The following ANKMY1 variants were observed in gnomAD, a reference collection of about 807,000 sequenced individuals.
ANKMY1 encodes the protein ankyrin repeat and MYND domain-containing protein 1.
ANKMY1 carries 98 observed loss-of-function variants against 102.0 expected under a neutral mutation model. The ratio of observed to expected loss-of-function variants is 0.96; its 90% CI spans 0.82 to 1.14. ANKMY1 has a LOEUF of 1.14. Ranked by LOEUF, ANKMY1 falls within the 50% of genes most tolerant of loss-of-function variation. The pLI is 0.00. For missense variants in ANKMY1, 1,330 were observed against 1,347.6 expected (o/e 0.99, Z 0.20); for synonymous variants, 582 against 559.9 (o/e 1.04, Z -0.56).
upstream of ANKMY1, chr2:240,560,873 G>C (rs770718310): frequency 4.9e-6 from 7 of 1,419,360 alleles, no homozygotes; most frequent in Non-Finnish European, 6.5e-6. Context: ...CGCCCGGCGT[G>C]GCAGAGCTGC....
intron 5 of ANKMY1, chr2:240,527,169 T>C (rs1274404323): frequency 5.0e-6 from 1 of 200,962 alleles, no homozygotes; most frequent in African/African-American, 2.5e-5. Flanking sequence ...GGTGGGTAGA[T>C]GAATAGATGG....
At chr2:240,493,024 CAA>C (rs2076826476) in intron 15 of ANKMY1, among the ~76,000 whole-genome samples, 1 of 151,146 alleles carries the variant, frequency 6.6e-6, no homozygotes, top group East Asian at 2.0e-4. Context: ...TCTGAGATCT[CAA>C]AAGTTTCTTT....
chr2:240,482,149 T>A, intron 16 of ANKMY1, 34 bp downstream of exon 16: 1 of 1,606,866 alleles, frequency 6.2e-7, no homozygotes, highest in Non-Finnish European at 8.5e-7. Context: ...CAGGCTGCCA[T>A]CCTGGAAAGA....
intron 15 of ANKMY1, among the ~76,000 whole-genome samples, chr2:240,498,785 G>A (rs966803039): frequency 2.0e-5 from 3 of 152,032 alleles, no homozygotes; most frequent in Non-Finnish European, 4.4e-5. Context: ...CCTTGGGGAC[G>A]AGTGAGTTCT....
chr2:240,490,105 T>A (rs2076474395), intron 15 of ANKMY1, among the ~76,000 whole-genome samples: 1 of 151,774 alleles, frequency 6.6e-6, no homozygotes, highest in African/African-American at 2.4e-5. Context: ...CCTTTTCCAT[T>A]TCTGATTTTA....
chr2:240,502,964 G>A (rs1287921835), intron 13 of ANKMY1, among the ~76,000 whole-genome samples: 2 of 152,084 alleles, frequency 1.3e-5, no homozygotes, highest in African/African-American at 4.8e-5. Context: ...GCAGCTGGAT[G>A]AGCTGGCCCC....
At position 240,524,293 on chromosome 2, in the gene ANKMY1, G is replaced by C; in HGVS notation, c.1424C>G (p.Pro475Arg). The C allele has an allele frequency of 6.2e-7, 1 of 1,613,848 alleles. No individual in the cohort carries two copies. The highest frequency in any genetic ancestry group is 1.1e-5 in the South Asian group (1 of 91,086). The change falls in exon 8 of 18, where the codon CCT (proline) becomes CGT (arginine). Residue 475 changes from proline to arginine, a missense_variant. By Grantham distance (103) the Pro-to-Arg change is moderately radical (BLOSUM62 -2). Transcript: ENST00000401804. ...LESLYYEVNV[P>R]SQGSYELRPP... ...CCTCAGCTCATAGCTACCCTGGGAAGGCACGTTCACCTCATAGTACAGAGA... is the reference window on the plus strand; with the variant it reads ...CCTCAGCTCATAGCTACCCTGGGAACGCACGTTCACCTCATAGTACAGAGA...
At chr2:240,507,721 G>T (rs780919329) in intron 12 of ANKMY1, 30 bp from the exon 13 acceptor site, 78 of 1,567,482 alleles carry the variant, frequency 5.0e-5, no homozygotes, top group Non-Finnish European at 6.7e-5. Context: ...CTCATCAGTG[G>T]CCACCATGTC....
chr2:240,497,490 T>G (rs920662019), intron 15 of ANKMY1, among the ~76,000 whole-genome samples: 3 of 152,262 alleles, frequency 2.0e-5, no homozygotes, highest in Non-Finnish European at 1.5e-5. Flanking sequence ...AGACATTCTC[T>G]GTTCTTACTG....
intron 4 of ANKMY1, among the ~76,000 whole-genome samples, chr2:240,539,413 A>C (rs1046264130): frequency 6.6e-6 from 1 of 152,228 alleles, no homozygotes; most frequent in African/African-American, 2.4e-5. Flanking sequence ...CAGCGAGACC[A>C]TGAACCCGCC....
chr2:240,507,716 C>T, intron 12 of ANKMY1, 25 bp from the exon 13 acceptor site: 1 of 1,572,282 alleles, frequency 6.4e-7, no homozygotes, highest in Non-Finnish European at 8.7e-7. Context: ...ACAGTCTCAT[C>T]AGTGGCCACC....
At chr2:240,468,677 G>A in the ANKMY1 span, among the ~76,000 whole-genome samples, 3 of 152,220 alleles carry the variant, frequency 2.0e-5, no homozygotes, top group Non-Finnish European at 2.9e-5. Context: ...AGCCAGTACA[G>A]GTTGGTCTGG....
chr2:240,512,820 G>A lies in ANKMY1; in HGVS notation c.2127C>T (p.Asp709=). 5.6e-6 allele frequency: 9 copies of A among 1,613,934 alleles called. No individual in the cohort carries two copies. The highest frequency in any genetic ancestry group is 6.8e-6 in the Non-Finnish European group (8 of 1,179,942). Residue 709 remains aspartate (D), a synonymous_variant, in exon 10 of 18, where the codon GAC becomes GAT. Coordinates refer to ENST00000401804, the MANE Select transcript of ANKMY1 (RefSeq NM_001282771.3). ...TACACACCTTGCCGGGCTTGTAAGT[G>A]TCGTCCTCGTCGGATGCCTTGGCGT... The part of the protein sequence containing the change: ...DVDAKASDED[D]TYKPGKLDLL...
At chr2:240,528,297 C>G (rs986778965) in intron 5 of ANKMY1, among the ~76,000 whole-genome samples, 14 of 134,454 alleles carry the variant, frequency 1.0e-4, no homozygotes, top group Non-Finnish European at 2.0e-4. Context: ...GCCCCCACCC[C>G]CCCCCCAAAA....
chr2:240,516,532 T>G (rs193258839), intron 9 of ANKMY1, among the ~76,000 whole-genome samples: 14 of 152,362 alleles, frequency 9.2e-5, no homozygotes, highest in Non-Finnish European at 1.6e-4. Flanking sequence ...GTGGTTATCC[T>G]AATTATTGTT....
intron 5 of ANKMY1, chr2:240,527,099 AATGGATGGGTGGGTGGGAAGATGG>A (rs1430885226): frequency 4.3e-6 from 3 of 702,492 alleles, no homozygotes; most frequent in South Asian, 6.5e-5. Context: ...TGGGTGGATG[AATGGATGGGTGGGTGGGAAGATGG>A]ATGGATGGGT....
intron 5 of ANKMY1, 185 bp from the exon 6 acceptor site, chr2:240,526,630 A>G: frequency 6.9e-7 from 1 of 1,447,292 alleles, no homozygotes; most frequent in Non-Finnish European, 9.0e-7. Context: ...ACTAGGTTGC[A>G]CACGGTGGTG....
At position 240,525,762 on chromosome 2, in the gene ANKMY1, T is replaced by C; in HGVS notation, c.1258A>G (p.Ser420Gly). 6.2e-7 allele frequency: 1 copy of C among 1,614,156 alleles called. No individual in the cohort carries two copies. The change falls in exon 7 of 18, where the codon AGC (serine) becomes GGC (glycine). Residue 420 changes from serine to glycine, a missense_variant. Ser to Gly is a moderately conservative substitution (Grantham distance 56). Coordinates refer to ENST00000401804, the MANE Select transcript of ANKMY1 (RefSeq NM_001282771.3). The part of the protein sequence containing the change: ...KCSDEGLTAL[S>G]MCFLLHYPAQ... ...GGGTAGTGGAGGAGGAAACACATGCTGAGTGCCGTGAGACCCTCATCTGAG... is the reference window on the plus strand; with the variant it reads ...GGGTAGTGGAGGAGGAAACACATGCCGAGTGCCGTGAGACCCTCATCTGAG...
At chr2:240,528,563 C>T (rs2084442853) in intron 5 of ANKMY1, among the ~76,000 whole-genome samples, 1 of 152,064 alleles carries the variant, frequency 6.6e-6, no homozygotes, top group Non-Finnish European at 1.5e-5. Context: ...GCCCATAGAA[C>T]ACCTAGGCGC....
Sources: allele counts gnomAD v4.1 joint callset (sites outside exome capture counted in the v4.1 genomes callset), GRCh38; gene constraint gnomAD v4.1.1; transcripts MANE v1.5; gene names NCBI Gene and HGNC (gene_info 2026-07-23, HGNC 2026-07-21).